BCKDHB: variants seen among roughly 807,000 people sequenced by gnomAD.
The protein encoded by BCKDHB is 2-oxoisovalerate dehydrogenase subunit beta, mitochondrial.
Under a neutral mutation model 48.5 loss-of-function variants are expected in BCKDHB, and 41 were observed. The ratio of observed to expected loss-of-function variants is 0.85; its 90% CI spans 0.66 to 1.10. BCKDHB has a LOEUF of 1.10. Among genes scored for constraint, BCKDHB ranks in the 50% least tolerant of loss-of-function variants. BCKDHB has a pLI of 0.00. For missense variants in BCKDHB, 496 were observed against 494.2 expected (o/e 1.00, Z -0.03); for synonymous variants, 201 against 174.8 (o/e 1.15, Z -1.18).
At chr6:80,276,756 A>G (rs1340616597) in intron 9 of BCKDHB, among the ~76,000 whole-genome samples, 1 of 151,962 alleles carries the variant, frequency 6.6e-6, no homozygotes, top group East Asian at 1.9e-4. Flanking sequence ...AAATAATGGT[A>G]AACTCACAGA....
At chr6:80,180,957 T>C (rs1336771747) in intron 6 of BCKDHB, among the ~76,000 whole-genome samples, 2 of 152,178 alleles carry the variant, frequency 1.3e-5, no homozygotes, top group African/African-American at 2.4e-5. Context: ...ATACACATAA[T>C]TTAAAAAGTC....
At chr6:80,117,037 T>A (rs1769742414) in intron 1 of BCKDHB, among the ~76,000 whole-genome samples, 1 of 152,222 alleles carries the variant, frequency 6.6e-6, no homozygotes, top group Non-Finnish European at 1.5e-5. Context: ...AACTTGTGAT[T>A]TCTTCTTGCC....
chr6:80,220,956 A>C (rs1381870661), intron 8 of BCKDHB, among the ~76,000 whole-genome samples: 2 of 151,712 alleles, frequency 1.3e-5, no homozygotes, highest in African/African-American at 4.8e-5. Context: ...GATGGTCTCT[A>C]ACTCCTCACC....
At chr6:80,178,094 A>G (rs370487614) in intron 6 of BCKDHB, among the ~76,000 whole-genome samples, 2 of 152,148 alleles carry the variant, frequency 1.3e-5, no homozygotes, top group South Asian at 2.1e-4. Flanking sequence ...CAGTCATCTC[A>G]TCTGACCTGC....
At chr6:80,257,694 C>T (rs909668999) in intron 8 of BCKDHB, among the ~76,000 whole-genome samples, 16 of 151,980 alleles carry the variant, frequency 1.1e-4, no homozygotes, top group Middle Eastern at 3.4e-3. Context: ...GCCTCAGAAC[C>T]GGAGAAGACA....
chr6:80,367,928 T>C, the BCKDHB span, among the ~76,000 whole-genome samples: 1 of 152,192 alleles, frequency 6.6e-6, no homozygotes, highest in Non-Finnish European at 1.5e-5. Context: ...AAGATACATT[T>C]TTTTAAAAAA....
intron 6 of BCKDHB, among the ~76,000 whole-genome samples, chr6:80,178,744 C>A (rs545776896): frequency 1.3e-5 from 2 of 152,242 alleles, no homozygotes; most frequent in South Asian, 4.1e-4. Context: ...GACAACTTGC[C>A]CAAAGTCACA....
At chr6:80,443,987 CTCTA>C in the BCKDHB span, among the ~76,000 whole-genome samples, 19 of 151,748 alleles carry the variant, frequency 1.3e-4, no homozygotes, top group African/African-American at 4.6e-4. Context: ...TATTTTTCCC[CTCTA>C]TCTAGTATTA....
chr6:80,171,358 T>G lies in BCKDHB; in HGVS notation c.710T>G (p.Phe237Cys). ...SCIEDKNPCI[F>C]FEPKILYRAA... The stretch of plus-strand genomic sequence containing the variant: ...ATAGAGGATAAAAATCCTTGTATAT[T>G]TTTTGAACCTAAAATACTTTACAGG... Residue 237 changes from phenylalanine to cysteine, a missense_variant, in exon 6 of 10, where the codon TTT becomes TGT. Transcript: ENST00000320393. 2 of 1,606,402 alleles carry G rather than the reference T, an allele frequency of 1.2e-6. No individual in the cohort carries two copies. Among genetic ancestry groups the G allele is most frequent in the Non-Finnish European group, 1.7e-6 (2 of 1,176,690 alleles).
intron 8 of BCKDHB, among the ~76,000 whole-genome samples, chr6:80,250,844 C>T (rs564213244): frequency 6.6e-6 from 1 of 152,244 alleles, no homozygotes; most frequent in South Asian, 2.1e-4. Context: ...CCTCTCTAGT[C>T]CTAACCCCAC....
intron 3 of BCKDHB, among the ~76,000 whole-genome samples, chr6:80,154,259 T>C (rs755331159): frequency 7.5e-4 from 114 of 152,224 alleles, no homozygotes; most frequent in Non-Finnish European, 1.4e-3. Context: ...TTATCATTTG[T>C]AGCAACTAAC....
At chr6:80,309,686 GCTTT>G (rs1768056569) in intron 9 of BCKDHB, among the ~76,000 whole-genome samples, 1 of 151,922 alleles carries the variant, frequency 6.6e-6, no homozygotes, top group Non-Finnish European at 1.5e-5. Context: ...TACTAAAATG[GCTTT>G]ATTCTTTACC....
At chr6:80,240,633 A>G (rs929145694) in intron 8 of BCKDHB, among the ~76,000 whole-genome samples, 29 of 152,174 alleles carry the variant, frequency 1.9e-4, no homozygotes, top group Non-Finnish European at 3.7e-4. Flanking sequence ...TGACTTCCTC[A>G]TTTCCTAATT....
intron 6 of BCKDHB, among the ~76,000 whole-genome samples, chr6:80,200,237 C>T (rs1257012870): frequency 6.6e-6 from 1 of 152,042 alleles, no homozygotes; most frequent in East Asian, 1.9e-4. Flanking sequence ...ATGGTTTTCT[C>T]TCAGATACCA....
At chr6:80,177,402 G>T in intron 6 of BCKDHB, among the ~76,000 whole-genome samples, 1 of 151,958 alleles carries the variant, frequency 6.6e-6, no homozygotes, top group Non-Finnish European at 1.5e-5. Context: ...TTTATAAACA[G>T]ATAACGGGGG....
the BCKDHB span, among the ~76,000 whole-genome samples, chr6:80,456,775 G>C: frequency 6.6e-6 from 1 of 152,172 alleles, no homozygotes; most frequent in Non-Finnish European, 1.5e-5. Context: ...TAAGCTCCTT[G>C]AGGGATTCTT....
intron 6 of BCKDHB, among the ~76,000 whole-genome samples, chr6:80,186,266 G>A (rs1773635214): frequency 6.6e-6 from 1 of 152,102 alleles, no homozygotes. Context: ...CCTTGAGCAG[G>A]GCTTGCCGAG....
the BCKDHB span, among the ~76,000 whole-genome samples, chr6:80,369,761 A>G: frequency 6.6e-6 from 1 of 152,240 alleles, no homozygotes; most frequent in Non-Finnish European, 1.5e-5. Flanking sequence ...GGAGTGGTAC[A>G]GTTAGCTTTT....
rs568662708 is a variant in BCKDHB at position 80,277,269 on chromosome 6, C to T, written c.1038+4048C>T. Reference sequence around the variant, plus strand: ...TTATATGAATGAATTTTATTTGATGCTTGTATGCTTCAGCTTTATGTAACC... The same window carrying T: ...TTATATGAATGAATTTTATTTGATGTTTGTATGCTTCAGCTTTATGTAACC... On this transcript the variant is annotated intron_variant, in intron 9 of 9. Transcript: ENST00000320393. Among the ~76,000 whole-genome samples the T allele has an allele frequency of 2.6e-5, 4 of 152,026 alleles. No homozygotes were observed. In the East Asian group the frequency reaches 5.8e-4, roughly 22 times the overall value.
Sources: gnomAD v4.1 joint callset for allele counts (sites outside exome capture counted in the v4.1 genomes callset) on GRCh38, gnomAD v4.1.1 for gene constraint, MANE v1.5 for transcripts, NCBI Gene and HGNC (gene_info 2026-07-23, HGNC 2026-07-21) for gene names.